The following STXBP5L variants were observed in gnomAD, a reference collection of about 807,000 sequenced individuals.
STXBP5L encodes syntaxin binding protein 5L.
Under a neutral mutation model 144.5 loss-of-function variants are expected in STXBP5L, and 65 were observed. The ratio of observed to expected loss-of-function variants is 0.45; its 90% CI spans 0.37 to 0.55. The LOEUF is 0.55. STXBP5L is among the 20% of genes least tolerant of loss of function. STXBP5L has a pLI of 0.00. For synonymous variants in STXBP5L, 505 were observed against 469.6 expected (o/e 1.08, Z -0.97); for missense variants, 1,298 against 1,405.5 (o/e 0.92, Z 1.22).
intron 18 of STXBP5L, among the ~76,000 whole-genome samples, chr3:121,267,989 G>A (rs1246350145): frequency 6.6e-6 from 1 of 152,164 alleles, no homozygotes; most frequent in African/African-American, 2.4e-5. Context: ...CATTGGGGAA[G>A]ACAGTTGTGG....
intron 16 of STXBP5L, 140 bp from the exon 17 acceptor site, chr3:121,257,021 A>G (rs977808677): frequency 6.6e-6 from 4 of 602,740 alleles, no homozygotes; most frequent in South Asian, 3.1e-5. Flanking sequence ...TATTGAACTT[A>G]TTAATTTGAA....
At chr3:121,036,520 A>G (rs1467602181) in intron 3 of STXBP5L, among the ~76,000 whole-genome samples, 1 of 152,122 alleles carries the variant, frequency 6.6e-6, no homozygotes, top group Non-Finnish European at 1.5e-5. Context: ...CTAGCATGAT[A>G]GTAAATAGAA....
intron 2 of STXBP5L, among the ~76,000 whole-genome samples, chr3:120,950,188 T>C (rs1260404482): frequency 6.6e-6 from 1 of 152,050 alleles, no homozygotes; most frequent in Non-Finnish European, 1.5e-5. Flanking sequence ...TTTGAGTTAA[T>C]TTTTGTGTAT....
chr3:121,111,785 T>C (rs2043998129), intron 5 of STXBP5L, among the ~76,000 whole-genome samples: 2 of 152,190 alleles, frequency 1.3e-5, no homozygotes, highest in African/African-American at 4.8e-5. Context: ...GGAATCCCAC[T>C]CATCTGCACT....
chr3:121,054,353 A>G (rs1948283018), intron 5 of STXBP5L, among the ~76,000 whole-genome samples: 1 of 152,178 alleles, frequency 6.6e-6, no homozygotes, highest in African/African-American at 2.4e-5. Context: ...AATGTCCAAC[A>G]ACGATAGACT....
chr3:121,315,999 T>A lies in STXBP5L; in HGVS notation c.2111-2476T>A, dbSNP rs114453811. 1.6e-3 allele frequency among the ~76,000 whole-genome samples: 60 copies of A among 38,316 alleles called. 1 individual carries two copies. The South Asian group carries it at 0.049, about 31-fold the overall frequency. 25.1% of individuals were successfully genotyped at this position (38,316 alleles called of 152,430 possible). On this transcript the variant is annotated intron_variant, in intron 19 of 26. Transcript: ENST00000471454. ...GCCTGGGCGATAGTGAGACTCTGTCTCAAAAAAAAAAAAAGGAAGAAAAAA... is the reference window on the plus strand; with the variant it reads ...GCCTGGGCGATAGTGAGACTCTGTCACAAAAAAAAAAAAAGGAAGAAAAAA...
At position 121,423,937 on chromosome 3, in the gene STXBP5L, T is replaced by A. The variant is rs58006192; in HGVS notation, c.*4840T>A. On this transcript the variant is annotated 3_prime_UTR_variant, in exon 27 of 27. Coordinates refer to ENST00000471454, the MANE Select transcript of STXBP5L (RefSeq NM_001308330.2). ...TTGTGATATTCTCCTATGTGACTTG[T>A]CCATCAATTATTCCAATTCAAAGGT... 4.6e-5 allele frequency: 7 copies of A among 152,360 alleles called. No individual in the cohort carries two copies. The East Asian group carries it at 1.3e-3, about 29-fold the overall frequency. The allele number at this position is 152,360 out of a possible 1,614,324, so 9.4% of individuals were successfully genotyped here.
chr3:121,023,891 G>T (rs558352764), intron 3 of STXBP5L, among the ~76,000 whole-genome samples: 15 of 152,106 alleles, frequency 9.9e-5, no homozygotes, highest in African/African-American at 3.6e-4. Context: ...AAGTAGCTGG[G>T]ACTACAGGTG....
At chr3:121,061,692 T>G (rs1035911633) in intron 5 of STXBP5L, among the ~76,000 whole-genome samples, 4 of 152,244 alleles carry the variant, frequency 2.6e-5, no homozygotes, top group Admixed American at 2.6e-4. Flanking sequence ...TTAGCTCTTC[T>G]TGTTGCATTG....
rs1025647274 is a variant in STXBP5L at position 121,424,318 on chromosome 3, G to A, written c.*5221G>A. The A allele has an allele frequency of 5.3e-5, 8 of 152,170 alleles. No homozygotes were observed. Among genetic ancestry groups the A allele is most frequent in the African/African-American group, 1.9e-4 (8 of 41,446 alleles). The allele number at this position is 152,170 out of a possible 1,614,324, so 9.4% of individuals were successfully genotyped here. A position where few individuals can be genotyped will look rare whatever the true frequency, so the allele number is the denominator to read the frequency against. On this transcript the variant is annotated 3_prime_UTR_variant, in exon 27 of 27. Transcript: ENST00000471454. Reference sequence around the variant, plus strand: ...ATGTGTTTAAAGGAAAAGAATACCTGTAACTTCCTATATGACATCCAGTGC... The same window carrying A: ...ATGTGTTTAAAGGAAAAGAATACCTATAACTTCCTATATGACATCCAGTGC...
chr3:121,336,275 T>C (rs1455154976), intron 20 of STXBP5L, among the ~76,000 whole-genome samples: 3 of 152,096 alleles, frequency 2.0e-5, no homozygotes. Flanking sequence ...GGTGGGCAGA[T>C]CACTTGAGCC....
intron 20 of STXBP5L, among the ~76,000 whole-genome samples, chr3:121,341,334 T>A (rs1481487440): frequency 6.6e-6 from 1 of 152,170 alleles, no homozygotes; most frequent in East Asian, 1.9e-4. Context: ...TGAGGTATTA[T>A]CTCACGCCAG....
intron 3 of STXBP5L, among the ~76,000 whole-genome samples, chr3:120,984,787 G>A (rs2107908160): frequency 6.6e-6 from 1 of 151,964 alleles, no homozygotes; most frequent in South Asian, 2.1e-4. Context: ...GATGTATGAT[G>A]TATGCTGTGG....
chr3:121,401,197 A>G (rs2046864960), intron 22 of STXBP5L, among the ~76,000 whole-genome samples: 1 of 152,088 alleles, frequency 6.6e-6, no homozygotes, highest in African/African-American at 2.4e-5. Context: ...TCAAATAACA[A>G]ATCAGTTTTT....
intron 9 of STXBP5L, among the ~76,000 whole-genome samples, chr3:121,161,151 ATTAT>A (rs1474767696): frequency 1.3e-5 from 2 of 151,218 alleles, no homozygotes; most frequent in Non-Finnish European, 2.9e-5. Context: ...ATACAAGAAC[ATTAT>A]TTAATTTTTC....
At chr3:121,316,618 A>G (rs1180335632) in intron 19 of STXBP5L, among the ~76,000 whole-genome samples, 1 of 152,184 alleles carries the variant, frequency 6.6e-6, no homozygotes, top group Non-Finnish European at 1.5e-5. Flanking sequence ...ACGATAATTT[A>G]TATAAAGTAT....
chr3:121,351,218 G>A (rs2045267210), intron 20 of STXBP5L, among the ~76,000 whole-genome samples: 1 of 152,150 alleles, frequency 6.6e-6, no homozygotes, highest in Admixed American at 6.5e-5. Context: ...GTTTGCCTGA[G>A]TTCCACTCCA....
At chr3:121,254,348 AG>A (rs2050138119) in intron 15 of STXBP5L, among the ~76,000 whole-genome samples, 2 of 152,216 alleles carry the variant, frequency 1.3e-5, no homozygotes, top group Non-Finnish European at 2.9e-5. Flanking sequence ...CACTCAGAAA[AG>A]ATCCCTTCTC....
At chr3:121,058,378 A>T (rs915191340) in intron 5 of STXBP5L, among the ~76,000 whole-genome samples, 1 of 152,146 alleles carries the variant, frequency 6.6e-6, no homozygotes, top group South Asian at 2.1e-4. Context: ...TCTATCACTG[A>T]TGGGCATTTG....
Sources: allele counts gnomAD v4.1 joint callset (sites outside exome capture counted in the v4.1 genomes callset), GRCh38; gene constraint gnomAD v4.1.1; transcripts MANE v1.5; gene names NCBI Gene and HGNC (gene_info 2026-07-23, HGNC 2026-07-21).